The following ULK4 variants were observed in gnomAD, a reference collection of about 807,000 sequenced individuals.
The protein encoded by ULK4 is inactive serine/threonine-protein kinase ULK4.
In ULK4, 133 loss-of-function variants were observed where a neutral mutation model predicts 160.6. That is an observed-to-expected ratio of 0.83 (90% confidence interval 0.72 to 0.96). The LOEUF is 0.96. Among genes scored for constraint, ULK4 ranks in the 40% least tolerant of loss-of-function variants. The pLI is 0.00. For synonymous variants in ULK4, 534 were observed against 539.8 expected (o/e 0.99, Z 0.15); for missense variants, 1,580 against 1,499.5 (o/e 1.05, Z -0.89).
intron 17 of ULK4, among the ~76,000 whole-genome samples, chr3:41,865,230 C>G (rs1246439584): frequency 7.1e-6 from 1 of 140,070 alleles, no homozygotes; most frequent in Non-Finnish European, 1.5e-5. Flanking sequence ...CCGATCACGC[C>G]ACTGCACTCC....
rs770239677 is a variant in ULK4, at chr3:41,896,902, C to T, written c.1450G>A (p.Ala484Thr). Reference protein sequence around the residue: ...STEKSMGASRAKLNLLCYLCV... With the variant: ...STEKSMGASRTKLNLLCYLCV... ...AAATAGCAAAGGAGATTCAGCTTGGCTCGGGAGGCCCCCATGCTCTTCTCA... is the reference window on the plus strand; with the variant it reads ...AAATAGCAAAGGAGATTCAGCTTGGTTCGGGAGGCCCCCATGCTCTTCTCA... The change falls in exon 15 of 37, where the codon GCC becomes ACC. Residue 484 changes from alanine to threonine, a missense_variant. Physicochemically the swap from Ala to Thr is moderately conservative, Grantham distance 58. Coordinates refer to ENST00000301831, the MANE Select transcript of ULK4 (RefSeq NM_017886.4). 6.2e-7 allele frequency: 1 copy of T among 1,613,410 alleles called. No individual in the cohort carries two copies. The highest frequency in any genetic ancestry group is 1.3e-5 in the African/African-American group (1 of 74,928).
chr3:41,474,988 G>A (rs903728177), intron 32 of ULK4, among the ~76,000 whole-genome samples: 3 of 151,896 alleles, frequency 2.0e-5, no homozygotes, highest in Non-Finnish European at 1.5e-5. Flanking sequence ...CCCACTTCTG[G>A]GTATTTACCC....
At chr3:41,847,387 T>TA (rs1056447593) in intron 17 of ULK4, among the ~76,000 whole-genome samples, 1 of 152,166 alleles carries the variant, frequency 6.6e-6, no homozygotes, top group Non-Finnish European at 1.5e-5. Context: ...CAATTACAGT[T>TA]ACAAAAAGAA....
chr3:41,777,683 C>T (rs2039678089), intron 21 of ULK4, among the ~76,000 whole-genome samples: 1 of 119,880 alleles, frequency 8.3e-6, no homozygotes, highest in East Asian at 2.1e-4. Flanking sequence ...GTTATGTACC[C>T]AGTAGTCATT....
intron 30 of ULK4, among the ~76,000 whole-genome samples, chr3:41,656,921 T>C (rs2034954975): frequency 6.6e-6 from 1 of 152,186 alleles, no homozygotes; most frequent in Non-Finnish European, 1.5e-5. Flanking sequence ...TGCTGAAAGC[T>C]AATTATCTCT....
chr3:41,695,074 T>G (rs755214320), intron 27 of ULK4, among the ~76,000 whole-genome samples: 1 of 152,160 alleles, frequency 6.6e-6, no homozygotes, highest in Non-Finnish European at 1.5e-5. Context: ...CAAGATGGCA[T>G]CCTTTAGCTG....
chr3:41,447,400 C>T (rs938572644), intron 34 of ULK4, among the ~76,000 whole-genome samples: 2 of 152,120 alleles, frequency 1.3e-5, no homozygotes, highest in African/African-American at 4.8e-5. Context: ...TATCCCGCCA[C>T]ATAAATGCAT....
chr3:41,344,212 A>G (rs2080749774), intron 35 of ULK4, among the ~76,000 whole-genome samples: 1 of 152,200 alleles, frequency 6.6e-6, no homozygotes, highest in Non-Finnish European at 1.5e-5. Context: ...CTTGACAAAA[A>G]CAAGCAGTGG....
chr3:41,310,862 A>G lies in ULK4; in HGVS notation c.3679-61288T>C, dbSNP rs2080034135. ...TTAAAAATTAGCTATGTGTGGTGAT[A>G]TGTGCCTGTAGTCCCAGCTACTTGG... On this transcript the variant is annotated intron_variant, in intron 35 of 36. Transcript: ENST00000301831. 2.6e-5 allele frequency among the ~76,000 whole-genome samples: 4 copies of G among 152,096 alleles called. No homozygotes were observed. The South Asian group carries it at 8.3e-4, about 32-fold the overall frequency.
chr3:41,831,293 T>A (rs1240596712), intron 18 of ULK4, among the ~76,000 whole-genome samples: 1 of 151,816 alleles, frequency 6.6e-6, no homozygotes, highest in East Asian at 1.9e-4. Context: ...CCAAAAGTAC[T>A]GGGATGGAAA....
chr3:41,263,617 A>T (rs1225222926), intron 35 of ULK4, among the ~76,000 whole-genome samples: 1 of 152,212 alleles, frequency 6.6e-6, no homozygotes, highest in Non-Finnish European at 1.5e-5. Flanking sequence ...ACAATATAAA[A>T]ACATGCATGG....
In ULK4 at chr3:41,921,920, G is replaced by A. The variant is rs1032807900; in HGVS notation, c.542-2102C>T. Among the ~76,000 whole-genome samples the A allele has an allele frequency of 5.9e-5, 9 of 152,094 alleles. No individual in the cohort carries two copies. The South Asian group carries it at 1.2e-3, about 21-fold the overall frequency. On this transcript the variant is annotated intron_variant, in intron 5 of 36. Transcript: ENST00000301831. ...TGTAATCCCACCATTCTGGGAGGCC[G>A]AGGCAGGCGGATCACCTGAGGTCAG...
chr3:41,365,786 G>A (rs1352521109), intron 35 of ULK4, among the ~76,000 whole-genome samples: 1 of 151,754 alleles, frequency 6.6e-6, no homozygotes, highest in Non-Finnish European at 1.5e-5. Context: ...CACCTTGTAA[G>A]AATTAAATTT....
chr3:41,874,772 C>T (rs1697238023), intron 17 of ULK4, among the ~76,000 whole-genome samples: 2 of 152,122 alleles, frequency 1.3e-5, no homozygotes, highest in Admixed American at 1.3e-4. Context: ...CTCAGGTGAC[C>T]AGTGCACTAA....
intron 17 of ULK4, among the ~76,000 whole-genome samples, chr3:41,840,649 T>C (rs1048447891): frequency 6.6e-6 from 1 of 152,220 alleles, no homozygotes; most frequent in African/African-American, 2.4e-5. Flanking sequence ...GTGCTGGGAT[T>C]GCAGACGGAG....
intron 17 of ULK4, among the ~76,000 whole-genome samples, chr3:41,864,473 T>C (rs1413867833): frequency 6.6e-6 from 1 of 152,154 alleles, no homozygotes; most frequent in Non-Finnish European, 1.5e-5. Flanking sequence ...AAAGGTGCTT[T>C]TACTGTGTAG....
chr3:41,940,742 T>C (rs1455174546), intron 2 of ULK4, among the ~76,000 whole-genome samples: 3 of 152,176 alleles, frequency 2.0e-5, no homozygotes, highest in Non-Finnish European at 4.4e-5. Context: ...CAGTGAATCC[T>C]AATGTCATCA....
intron 32 of ULK4, among the ~76,000 whole-genome samples, chr3:41,504,845 C>G (rs1016957432): frequency 2.0e-5 from 3 of 152,144 alleles, no homozygotes; most frequent in African/African-American, 7.2e-5. Flanking sequence ...TTAAAATTCA[C>G]TAGAGTTGTT....
At chr3:41,630,029 C>T (rs1037185673) in intron 30 of ULK4, among the ~76,000 whole-genome samples, 7 of 152,146 alleles carry the variant, frequency 4.6e-5, no homozygotes, top group Non-Finnish European at 4.4e-5. Flanking sequence ...CACTAGCCTA[C>T]GTAACCAGAG....
Sources: gnomAD v4.1 joint callset for allele counts (sites outside exome capture counted in the v4.1 genomes callset) on GRCh38, gnomAD v4.1.1 for gene constraint, MANE v1.5 for transcripts, NCBI Gene and HGNC (gene_info 2026-07-23, HGNC 2026-07-21) for gene names.